Variants in TAOK3 observed in about 807,000 individuals in gnomAD.
TAOK3 encodes serine/threonine-protein kinase TAO3.
Under a neutral mutation model 120.4 loss-of-function variants are expected in TAOK3, and 40 were observed. The observed-to-expected ratio is 0.33, with a 90% CI of 0.26 to 0.43. The LOEUF (loss-of-function observed/expected upper bound fraction) is 0.43, where lower values mean the gene tolerates loss of function less well. Among genes scored for constraint, TAOK3 ranks in the 20% least tolerant of loss-of-function variants. The pLI, the probability that TAOK3 is intolerant of heterozygous loss-of-function variation, is 1.00. For synonymous variants in TAOK3, 355 were observed against 387.5 expected (o/e 0.92, Z 0.99); for missense variants, 821 against 1,112.1 (o/e 0.74, Z 3.72).
At chr12:118,185,600 C>T (rs2037025173) in intron 14 of TAOK3, among the ~76,000 whole-genome samples, 2 of 152,144 alleles carry the variant, frequency 1.3e-5, no homozygotes, top group African/African-American at 4.8e-5. Flanking sequence ...ACTTAACATT[C>T]TATTCTTTAG....
rs1257018470 is a variant in TAOK3 at position 118,180,027 on chromosome 12, A to C, written c.1566+1344T>G. On this transcript the variant is annotated intron_variant, in intron 15 of 20. Transcript: ENST00000392533. ...CAATGGCACAATCTCAACTCACTGC[A>C]ACCTCTGCCTCCCAGGTTCAAGCGA... Among the ~76,000 whole-genome samples, 11 of 145,704 alleles carry C rather than the reference A, an allele frequency of 7.5e-5. No individual in the cohort carries two copies. In the Admixed American group the frequency reaches 7.8e-4, roughly 10 times the overall value.
intron 11 of TAOK3, among the ~76,000 whole-genome samples, chr12:118,207,547 A>G (rs538713130): frequency 6.6e-6 from 1 of 152,212 alleles, no homozygotes; most frequent in Admixed American, 6.5e-5. Flanking sequence ...CAGGATTAGA[A>G]GAGACTGAAT....
At chr12:118,357,275 T>G (rs1383173046) in intron 1 of TAOK3, among the ~76,000 whole-genome samples, 1 of 152,262 alleles carries the variant, frequency 6.6e-6, no homozygotes, top group Non-Finnish European at 1.5e-5. Flanking sequence ...TGTATTAGTA[T>G]GCTATATTTT....
At chr12:118,193,632 A>G (rs893007370) in intron 13 of TAOK3, among the ~76,000 whole-genome samples, 2 of 152,040 alleles carry the variant, frequency 1.3e-5, no homozygotes, top group African/African-American at 2.4e-5. Flanking sequence ...CTTCCCTAAT[A>G]GAGCTGGGGT....
At chr12:118,162,505 G>A (rs189228488) in intron 17 of TAOK3, among the ~76,000 whole-genome samples, 66 of 152,256 alleles carry the variant, frequency 4.3e-4, no homozygotes, top group African/African-American at 1.5e-3. Flanking sequence ...TCAGTATTGG[G>A]AAGAGTTCTC....
At chr12:118,274,521 T>C (rs1388184328) in intron 1 of TAOK3, among the ~76,000 whole-genome samples, 1 of 152,182 alleles carries the variant, frequency 6.6e-6, no homozygotes, top group Non-Finnish European at 1.5e-5. Context: ...ATATCAATTA[T>C]TTTGATTTCT....
rs368415895 is a variant in TAOK3, at chr12:118,152,203, G to A, written c.2535+24C>T. Reference sequence around the variant, plus strand: ...ACGCCCCCTTCCACCCAGTGGCACCGGACCCCTGGTAATGCTCCCTTACCT... The same window carrying A: ...ACGCCCCCTTCCACCCAGTGGCACCAGACCCCTGGTAATGCTCCCTTACCT... On this transcript the variant is annotated intron_variant, in intron 20 of 20. Transcript: ENST00000392533. 2.7e-5 allele frequency: 44 copies of A among 1,601,246 alleles called. 1 individual carries two copies. Among genetic ancestry groups the A allele is most frequent in the Middle Eastern group, 1.7e-4 (1 of 6,000 alleles).
At chr12:118,189,535 GACACACACACACAC>G (rs869285530) in intron 14 of TAOK3, among the ~76,000 whole-genome samples, 1,412 of 132,210 alleles carry the variant, frequency 0.011, 17 homozygotes, top group African/African-American at 0.033. Flanking sequence ...CACAGACACA[GACACACACACACAC>G]ACACACACAC....
chr12:118,262,820 C>A (rs143212845), intron 2 of TAOK3, among the ~76,000 whole-genome samples: 7,258 of 139,764 alleles, frequency 0.052, 391 homozygotes, highest in East Asian at 0.23. Flanking sequence ...GAGCAAGACT[C>A]CGTCTCAAAA....
chr12:118,341,177 T>C (rs1435129094), intron 1 of TAOK3, among the ~76,000 whole-genome samples: 1 of 151,966 alleles, frequency 6.6e-6, no homozygotes, highest in African/African-American at 2.4e-5. Context: ...TTTTTTGTAT[T>C]TTTAGTAGAG....
At chr12:118,307,226 C>G (rs756456421) in intron 1 of TAOK3, among the ~76,000 whole-genome samples, 38 of 152,016 alleles carry the variant, frequency 2.5e-4, no homozygotes, top group Admixed American at 1.7e-3. Flanking sequence ...TCCTCTTCCC[C>G]CCCCCATCTC....
chr12:118,348,380 T>C (rs566738538), intron 1 of TAOK3, among the ~76,000 whole-genome samples: 202 of 152,354 alleles, frequency 1.3e-3, no homozygotes, highest in South Asian at 5.4e-3. Context: ...ACTATTCATC[T>C]GGAATTAAAG....
rs1158739108 is a variant in TAOK3 at position 118,199,203 on chromosome 12, G to A, written c.1042C>T (p.His348Tyr). The change falls in exon 13 of 21, where the codon CAT (histidine) becomes TAT (tyrosine). Residue 348 changes from histidine to tyrosine, a missense_variant. His to Tyr is a moderately conservative substitution (Grantham distance 83, BLOSUM62 2). Around this residue, in one of 2 missense-constraint regions of TAOK3, gnomAD observed 467 missense variants for 540.0 expected, o/e 0.86. Coordinates refer to ENST00000392533, the MANE Select transcript of TAOK3 (RefSeq NM_016281.4). The part of the protein sequence containing the change: ...NREMDSLGSN[H>Y]SIPSMSVSTG... ...CTCACGGACATGCTTGGAATGGAATGGTTGCTGCCCAGGCTGTCCATTTCC... is the reference window on the plus strand; with the variant it reads ...CTCACGGACATGCTTGGAATGGAATAGTTGCTGCCCAGGCTGTCCATTTCC... The A allele has an allele frequency of 3.1e-6, 5 of 1,613,966 alleles. No individual in the cohort carries two copies. The highest frequency in any genetic ancestry group is 4.2e-6 in the Non-Finnish European group (5 of 1,180,034).
chr12:118,161,678 G>T lies in TAOK3; in HGVS notation c.2139+110C>A. On this transcript the variant is annotated intron_variant, in intron 18 of 20. Coordinates refer to ENST00000392533, the MANE Select transcript of TAOK3 (RefSeq NM_016281.4). This position sits in a 1 kb window ranked among gnomAD's most constrained non-coding sequence, Gnocchi z 4.5. The stretch of plus-strand genomic sequence containing the variant: ...GCAACTGGAGATTCTGATACAATAG[G>T]TGTGGGGTGCAGAAATTTGTGATTC... The T allele has an allele frequency of 7.3e-7, 1 of 1,368,808 alleles. No individual in the cohort carries two copies. Among genetic ancestry groups the T allele is most frequent in the South Asian group, 1.3e-5 (1 of 76,184 alleles). The allele number at this position is 1,368,808 out of a possible 1,614,324, so 84.8% of individuals were successfully genotyped here.
At chr12:118,357,920 C>A (rs1229486565) in intron 1 of TAOK3, among the ~76,000 whole-genome samples, 1 of 152,124 alleles carries the variant, frequency 6.6e-6, no homozygotes, top group Non-Finnish European at 1.5e-5. Context: ...AAGAATAGCG[C>A]CCCCATTAGT....
chr12:118,285,232 G>C (rs1011423813), intron 1 of TAOK3, among the ~76,000 whole-genome samples: 1 of 151,956 alleles, frequency 6.6e-6, no homozygotes, highest in Non-Finnish European at 1.5e-5. Flanking sequence ...TTGTAGAGAC[G>C]GGGTTTCTCC....
chr12:118,153,817 GTTATA>G (rs1356119604), intron 19 of TAOK3, among the ~76,000 whole-genome samples: 2 of 152,146 alleles, frequency 1.3e-5, no homozygotes, highest in South Asian at 2.1e-4. Context: ...TTTTTGAAAT[GTTATA>G]TTAAAATAGT....
chr12:118,364,529 A>G (rs2045691691), intron 1 of TAOK3, among the ~76,000 whole-genome samples: 2 of 152,192 alleles, frequency 1.3e-5, no homozygotes, highest in South Asian at 4.1e-4. Context: ...TCTTTTTGGA[A>G]AAAGTCAGGA....
At chr12:118,260,597 A>G (rs992353414) in intron 2 of TAOK3, among the ~76,000 whole-genome samples, 1 of 152,200 alleles carries the variant, frequency 6.6e-6, no homozygotes, top group African/African-American at 2.4e-5. Context: ...CATATATTGA[A>G]AAGGGTGGAG....
Sources: allele counts gnomAD v4.1 joint callset (sites outside exome capture counted in the v4.1 genomes callset), GRCh38; gene constraint gnomAD v4.1.1; regional missense constraint gnomAD v4.1.1; non-coding constraint Gnocchi (gnomAD v3.1); transcripts MANE v1.5; gene names NCBI Gene and HGNC (gene_info 2026-07-23, HGNC 2026-07-21).